Variants in UNC5C observed in about 807,000 individuals in gnomAD.
UNC5C encodes netrin receptor UNC5C.
A neutral mutation model predicts 99.8 loss-of-function variants in UNC5C; 47 were observed. The observed-to-expected ratio is 0.47, with a 90% CI of 0.37 to 0.60. The LOEUF is 0.60. Ranked by LOEUF, UNC5C falls within the 20% of genes least tolerant of loss-of-function variation. UNC5C has a pLI of 0.00. For missense variants in UNC5C, 1,062 were observed against 1,165.9 expected, an observed-to-expected ratio of 0.91 and a Z score of 1.30; for synonymous variants, 487 against 452.2, an observed-to-expected ratio of 1.08 and a Z score of -0.98.
chr4:95,192,090 TTCCTCCCCTGCTCACTTCCTCCCC>T (rs1737138690), intron 12 of UNC5C, among the ~76,000 whole-genome samples: 3 of 113,680 alleles, frequency 2.6e-5, no homozygotes, highest in Non-Finnish European at 5.5e-5. Context: ...TTTGCTCACC[TTCCTCCCCTGCTCACTTCCTCCCC>T]TCCTCCCCTG....
At chr4:95,544,333 AG>A (rs1240651349) in intron 1 of UNC5C, among the ~76,000 whole-genome samples, 1 of 152,186 alleles carries the variant, frequency 6.6e-6, no homozygotes, top group Non-Finnish European at 1.5e-5. Context: ...ATTAAATCTA[AG>A]TAAAATGCTG....
chr4:95,389,635 G>A (rs1745301699), intron 1 of UNC5C, among the ~76,000 whole-genome samples: 1 of 151,872 alleles, frequency 6.6e-6, no homozygotes, highest in Non-Finnish European at 1.5e-5. Flanking sequence ...ATAATTTTAA[G>A]TATCTTTGGA....
chr4:95,341,277 G>T (rs1473759921), intron 1 of UNC5C, among the ~76,000 whole-genome samples: 1 of 152,110 alleles, frequency 6.6e-6, no homozygotes. Flanking sequence ...GAATAAGACT[G>T]AGAACAACTG....
chr4:95,388,736 C>A (rs1345543976), intron 1 of UNC5C, among the ~76,000 whole-genome samples: 1 of 152,084 alleles, frequency 6.6e-6, no homozygotes, highest in Non-Finnish European at 1.5e-5. Context: ...TGAGTAGGTC[C>A]TAATCTTATC....
chr4:95,510,246 A>G (rs955524466), intron 1 of UNC5C, among the ~76,000 whole-genome samples: 10 of 152,022 alleles, frequency 6.6e-5, no homozygotes, highest in African/African-American at 1.7e-4. Flanking sequence ...TTTACCATCC[A>G]TTTGTAAATA....
At chr4:95,470,573 G>A (rs991062625) in intron 1 of UNC5C, among the ~76,000 whole-genome samples, 29 of 152,158 alleles carry the variant, frequency 1.9e-4, no homozygotes, top group African/African-American at 7.0e-4. Context: ...GGACAATAAA[G>A]GGCAGAGTGA....
chr4:95,201,765 G>T (rs778794405), intron 12 of UNC5C, among the ~76,000 whole-genome samples: 1 of 151,738 alleles, frequency 6.6e-6, no homozygotes, highest in Admixed American at 6.6e-5. Context: ...CATCATGCCC[G>T]GCTAATTTTT....
At chr4:95,359,179 T>C (rs923688463) in intron 1 of UNC5C, among the ~76,000 whole-genome samples, 3 of 152,172 alleles carry the variant, frequency 2.0e-5, no homozygotes, top group Non-Finnish European at 4.4e-5. Flanking sequence ...AAAGTGAAGA[T>C]TGAATGATAT....
intron 1 of UNC5C, among the ~76,000 whole-genome samples, chr4:95,509,942 T>A (rs897459898): frequency 2.6e-5 from 4 of 151,934 alleles, no homozygotes; most frequent in Non-Finnish European, 5.9e-5. Context: ...ACAATATTGT[T>A]AGATAGATTC....
At position 95,278,163 on chromosome 4, in the gene UNC5C, C is replaced by T. The variant is rs1740927412; in HGVS notation, c.594+96G>A. 6 of 1,009,842 alleles carry T rather than the reference C, an allele frequency of 5.9e-6. No individual in the cohort carries two copies. The Admixed American group carries it at 1.1e-4, about 18-fold the overall frequency. The allele number at this position is 1,009,842 out of a possible 1,614,324, so 62.6% of individuals were successfully genotyped here. A position where few individuals can be genotyped will look rare whatever the true frequency, so the allele number is the denominator to read the frequency against. On this transcript the variant is annotated intron_variant, in intron 4 of 15. Coordinates refer to ENST00000453304, the MANE Select transcript of UNC5C (RefSeq NM_003728.4). The stretch of plus-strand genomic sequence containing the variant: ...ACTCTATTACCAACCATTCATCATG[C>T]CATACCCTAATTCACTGCACCATTA...
chr4:95,540,365 T>C (rs1722889306), intron 1 of UNC5C, among the ~76,000 whole-genome samples: 1 of 152,134 alleles, frequency 6.6e-6, no homozygotes, highest in South Asian at 2.1e-4. Context: ...CATGTCGGTT[T>C]TTCCTCAGCT....
intron 1 of UNC5C, among the ~76,000 whole-genome samples, chr4:95,369,049 G>A (rs1744664468): frequency 6.6e-6 from 1 of 151,794 alleles, no homozygotes; most frequent in African/African-American, 2.4e-5. Flanking sequence ...TGTAGAGATG[G>A]AGTCTCACTA....
intron 3 of UNC5C, among the ~76,000 whole-genome samples, chr4:95,297,901 A>C (rs1381244169): frequency 6.6e-6 from 1 of 152,190 alleles, no homozygotes; most frequent in Non-Finnish European, 1.5e-5. Context: ...CCCCTTGCCC[A>C]GCATGGTCCA....
At chr4:95,267,414 T>C (rs1324062324) in intron 4 of UNC5C, among the ~76,000 whole-genome samples, 8 of 152,212 alleles carry the variant, frequency 5.3e-5, no homozygotes, top group Non-Finnish European at 8.8e-5. Context: ...TAATCTGACA[T>C]TCAAGTCTTA....
At chr4:95,468,945 T>C (rs1286524715) in intron 1 of UNC5C, among the ~76,000 whole-genome samples, 1 of 152,198 alleles carries the variant, frequency 6.6e-6, no homozygotes, top group Non-Finnish European at 1.5e-5. Context: ...AAAGGGGTTC[T>C]CTTTGCTCAG....
At chr4:95,377,288 AT>A (rs1222804557) in intron 1 of UNC5C, among the ~76,000 whole-genome samples, 5 of 152,198 alleles carry the variant, frequency 3.3e-5, no homozygotes, top group African/African-American at 1.2e-4. Context: ...ACTGTTCAAC[AT>A]TTGCTTTGCT....
intron 1 of UNC5C, among the ~76,000 whole-genome samples, chr4:95,532,046 G>C (rs1459604265): frequency 6.6e-6 from 1 of 152,168 alleles, no homozygotes; most frequent in African/African-American, 2.4e-5. Flanking sequence ...TAGGTAAATT[G>C]ACCAAATCAA....
intron 1 of UNC5C, among the ~76,000 whole-genome samples, chr4:95,490,891 C>A (rs571587843): frequency 6.6e-6 from 1 of 151,668 alleles, no homozygotes; most frequent in South Asian, 2.1e-4. Flanking sequence ...TGTACTAGGT[C>A]AAGTTTAGAA....
At chr4:95,353,232 T>C (rs1050133160) in intron 1 of UNC5C, among the ~76,000 whole-genome samples, 1 of 152,160 alleles carries the variant, frequency 6.6e-6, no homozygotes, top group Non-Finnish European at 1.5e-5. Flanking sequence ...TGCAGTCAGC[T>C]CTACCACACA....
Sources: allele counts gnomAD v4.1 joint callset (sites outside exome capture counted in the v4.1 genomes callset), GRCh38; gene constraint gnomAD v4.1.1; transcripts MANE v1.5; gene names NCBI Gene and HGNC (gene_info 2026-07-23, HGNC 2026-07-21).